The following SLC1A3 variants were observed in gnomAD, a reference collection of about 807,000 sequenced individuals.
SLC1A3 encodes solute carrier family 1 member 3, also known as excitatory amino acid transporter 1.
SLC1A3 carries 21 observed loss-of-function variants against 48.1 expected under a neutral mutation model. The observed-to-expected ratio is 0.44, with a 90% CI of 0.31 to 0.63. The LOEUF (loss-of-function observed/expected upper bound fraction) is 0.63. Among genes scored for constraint, SLC1A3 ranks in the 20% least tolerant of loss-of-function variants. SLC1A3 has a pLI of 0.08. For missense variants in SLC1A3, 546 were observed against 689.0 expected (o/e 0.79, Z 2.32); for synonymous variants, 239 against 251.4 (o/e 0.95, Z 0.47).
intron 1 of SLC1A3, among the ~76,000 whole-genome samples, chr5:36,607,501 G>T (rs1358839921): frequency 6.6e-6 from 1 of 152,234 alleles, no homozygotes; most frequent in Non-Finnish European, 1.5e-5. Flanking sequence ...TGTTTGGAAT[G>T]AAAATTGGTT....
chr5:36,636,515 TTCTTTC>T (rs1740389985), intron 3 of SLC1A3: 4 of 148,362 alleles, frequency 2.7e-5, no homozygotes, highest in Non-Finnish European at 5.9e-5. Flanking sequence ...TTTTCTTTCT[TTCTTTC>T]TCTCTCTTTC....
intron 8 of SLC1A3, among the ~76,000 whole-genome samples, chr5:36,682,683 C>T (rs41491650): frequency 0.045 from 6,818 of 152,274 alleles, 539 homozygotes; most frequent in African/African-American, 0.16. Context: ...TATCATTATC[C>T]AGGTGGTCCG....
chr5:36,616,097 G>T (rs1227259880), intron 2 of SLC1A3, among the ~76,000 whole-genome samples: 1 of 152,186 alleles, frequency 6.6e-6, no homozygotes, highest in African/African-American at 2.4e-5. Context: ...TCGGGAGGCT[G>T]AGGCAGAGAA....
chr5:36,617,869 C>T lies in SLC1A3; in HGVS notation c.181+9265C>T, dbSNP rs545119116. On this transcript the variant is annotated intron_variant, in intron 2 of 9. Coordinates refer to ENST00000265113, the MANE Select transcript of SLC1A3 (RefSeq NM_004172.5). Reference sequence around the variant, plus strand: ...AAACGTTGTAATGAATGATCTTTCACCCATGTATCTGGATATACCTAGAAG... The same window carrying T: ...AAACGTTGTAATGAATGATCTTTCATCCATGTATCTGGATATACCTAGAAG... Among the ~76,000 whole-genome samples, 5 of 152,270 alleles carry T rather than the reference C, an allele frequency of 3.3e-5. No individual in the cohort carries two copies. In the South Asian group the frequency reaches 8.3e-4, roughly 25 times the overall value.
intron 3 of SLC1A3, among the ~76,000 whole-genome samples, chr5:36,639,946 T>C (rs1413295045): frequency 6.6e-6 from 1 of 152,090 alleles, no homozygotes; most frequent in Non-Finnish European, 1.5e-5. Flanking sequence ...CATTCCGTTA[T>C]AAAAAGACTC....
At chr5:36,649,043 G>A (rs1282035442) in intron 3 of SLC1A3, among the ~76,000 whole-genome samples, 5 of 152,004 alleles carry the variant, frequency 3.3e-5, no homozygotes, top group Non-Finnish European at 5.9e-5. Context: ...TGACTCATTG[G>A]TAAAAGATTA....
At chr5:36,679,543 C>T (rs1742347718) in intron 6 of SLC1A3, 84 bp from the exon 7 acceptor site, 1 of 973,344 alleles carries the variant, frequency 1.0e-6, no homozygotes, top group Admixed American at 1.7e-5. Flanking sequence ...ACTCTCTTTT[C>T]CCTTTTTCTT....
At chr5:36,629,851 A>G in intron 3 of SLC1A3, 1 of 461,528 alleles carries the variant, frequency 2.2e-6, no homozygotes, top group South Asian at 2.1e-5. Context: ...GTGCCCTGCT[A>G]AACACCACAC....
At chr5:36,661,652 C>T (rs1248608782) in intron 3 of SLC1A3, among the ~76,000 whole-genome samples, 5 of 152,206 alleles carry the variant, frequency 3.3e-5, no homozygotes, top group Admixed American at 3.3e-4. Flanking sequence ...AGCCTCATGA[C>T]TGGGCCTGGA....
At chr5:36,636,505 T>TTCTTTCTTTCTTTCTTTTTTTCTTTCTC (rs1177117898) in intron 3 of SLC1A3, 1 of 70,136 alleles carries the variant, frequency 1.4e-5, no homozygotes, top group African/African-American at 3.7e-5. Context: ...CTTTCTTTCT[T>TTCTTTCTTTCTTTCTTTTTTTCTTTCTC]TTTCTTTCTT....
chr5:36,621,528 A>T (rs938192766), intron 2 of SLC1A3, among the ~76,000 whole-genome samples: 1 of 152,188 alleles, frequency 6.6e-6, no homozygotes, highest in African/African-American at 2.4e-5. Context: ...TAGGCTGGAG[A>T]GAGGTGAAGT....
chr5:36,612,921 G>C (rs1011743251), intron 2 of SLC1A3: 9 of 447,950 alleles, frequency 2.0e-5, no homozygotes, highest in Non-Finnish European at 3.1e-5. Context: ...CAACGGAAGA[G>C]ATGGAAAAGA....
At chr5:36,632,715 A>C (rs1273148334) in intron 3 of SLC1A3, among the ~76,000 whole-genome samples, 2 of 152,242 alleles carry the variant, frequency 1.3e-5, no homozygotes, top group Non-Finnish European at 2.9e-5. Context: ...TCTTGGACTA[A>C]GCTTTTTATT....
chr5:36,651,982 A>G (rs1466312021), intron 3 of SLC1A3, among the ~76,000 whole-genome samples: 1 of 152,170 alleles, frequency 6.6e-6, no homozygotes, highest in African/African-American at 2.4e-5. Context: ...AGAAAAACCA[A>G]CACCGGACTC....
intron 2 of SLC1A3, among the ~76,000 whole-genome samples, chr5:36,609,560 A>T (rs1739110444): frequency 6.6e-6 from 1 of 152,250 alleles, no homozygotes; most frequent in African/African-American, 2.4e-5. Context: ...TTTAATAAAG[A>T]TTAAGAAAAT....
intron 6 of SLC1A3, 27 bp from the exon 7 acceptor site, chr5:36,679,600 A>C: frequency 2.0e-4 from 302 of 1,517,920 alleles, no homozygotes; most frequent in Non-Finnish European, 2.5e-4. Flanking sequence ...ACCAGACTCC[A>C]ACCGTGCTGG....
chr5:36,613,054 A>C (rs141905698), intron 2 of SLC1A3: 12 of 342,652 alleles, frequency 3.5e-5, no homozygotes, highest in African/African-American at 1.3e-4. Flanking sequence ...CCACATTTGA[A>C]GGTAGGATAC....
At position 36,618,704 on chromosome 5, in the gene SLC1A3, A is replaced by G. The variant is rs539208321; in HGVS notation, c.181+10100A>G. Reference sequence around the variant, plus strand: ...GGGAACACCTTTGCTGTGCACCAGCATATAACACACAAAAGGCACCAGGGG... The same window carrying G: ...GGGAACACCTTTGCTGTGCACCAGCGTATAACACACAAAAGGCACCAGGGG... On this transcript the variant is annotated intron_variant, in intron 2 of 9. Transcript: ENST00000265113. Among the ~76,000 whole-genome samples the G allele has an allele frequency of 4.2e-4, 64 of 152,362 alleles. 1 individual carries two copies. In the South Asian group the frequency reaches 7.9e-3, roughly 19 times the overall value.
At chr5:36,646,185 A>G (rs1459573722) in intron 3 of SLC1A3, among the ~76,000 whole-genome samples, 1 of 152,242 alleles carries the variant, frequency 6.6e-6, no homozygotes, top group East Asian at 1.9e-4. Context: ...GGAGGGCAGC[A>G]TTGCTTGGCT....
Sources: gnomAD v4.1 joint callset for allele counts (sites outside exome capture counted in the v4.1 genomes callset) on GRCh38, gnomAD v4.1.1 for gene constraint, MANE v1.5 for transcripts, NCBI Gene and HGNC (gene_info 2026-07-23, HGNC 2026-07-21) for gene names.